Variants in IFT74 observed in about 807,000 individuals in gnomAD.
IFT74 encodes the protein intraflagellar transport 74.
Under a neutral mutation model 96.7 loss-of-function variants are expected in IFT74, and 92 were observed. The ratio of observed to expected loss-of-function variants is 0.95; its 90% CI spans 0.80 to 1.13. The LOEUF (loss-of-function observed/expected upper bound fraction) is 1.13. Among genes scored for constraint, IFT74 ranks in the 50% most tolerant of loss-of-function variants. The probability of loss-of-function intolerance (pLI) is 0.00; values close to 1 mark genes in which losing one functional copy is unlikely to be tolerated. For synonymous variants in IFT74, 223 were observed against 213.2 expected (o/e 1.05, Z -0.40); for missense variants, 811 against 698.2 (o/e 1.16, Z -1.82).
At chr9:26,976,783 G>A in intron 2 of IFT74, 1 of 455,984 alleles carries the variant, frequency 2.2e-6, no homozygotes, top group South Asian at 1.6e-5. Flanking sequence ...TCTCATGCCT[G>A]TATGTATTAT....
intron 19 of IFT74, among the ~76,000 whole-genome samples, chr9:27,062,405 A>T (rs1820466430): frequency 1.3e-5 from 2 of 152,178 alleles, no homozygotes; most frequent in African/African-American, 4.8e-5. Context: ...AAAAGTGTTT[A>T]TATTGTATAT....
At chr9:27,004,509 TAAGTCCCCAGACA>T (rs2131590596) in intron 8 of IFT74, among the ~76,000 whole-genome samples, 1 of 152,300 alleles carries the variant, frequency 6.6e-6, no homozygotes, top group South Asian at 2.1e-4. Flanking sequence ...TGACACTGAG[TAAGTCCCCAGACA>T]AAGCATTTGC....
intron 14 of IFT74, among the ~76,000 whole-genome samples, chr9:27,046,852 TAAC>T (rs2131683195): frequency 6.6e-6 from 1 of 152,328 alleles, no homozygotes; most frequent in African/African-American, 2.4e-5. Flanking sequence ...TTTGGGTTAA[TAAC>T]AAATTAAACA....
intron 8 of IFT74, among the ~76,000 whole-genome samples, chr9:27,000,457 A>T (rs748088877): frequency 7.9e-5 from 12 of 152,112 alleles, no homozygotes; most frequent in Non-Finnish European, 1.3e-4. Flanking sequence ...ACTGTGGGAG[A>T]TGAGAATCTT....
intron 13 of IFT74, among the ~76,000 whole-genome samples, chr9:27,031,461 C>A (rs140605479): frequency 2.7e-5 from 4 of 150,180 alleles, no homozygotes; most frequent in Non-Finnish European, 5.9e-5. Context: ...AGCGAGACTC[C>A]GTCTTAAAAA....
At chr9:27,044,964 G>C (rs1362676512) in intron 14 of IFT74, among the ~76,000 whole-genome samples, 169 bp downstream of exon 14, 1 of 152,162 alleles carries the variant, frequency 6.6e-6, no homozygotes, top group Non-Finnish European at 1.5e-5. Context: ...TTTAGAGATG[G>C]GTAGAAAATT....
intron 8 of IFT74, among the ~76,000 whole-genome samples, chr9:27,008,579 C>T (rs1563970000): frequency 1.3e-5 from 2 of 151,980 alleles, no homozygotes; most frequent in South Asian, 4.2e-4. Flanking sequence ...AGGCTGGTCT[C>T]GACCTCCAGA....
intron 1 of IFT74, among the ~76,000 whole-genome samples, chr9:26,950,242 G>T (rs1053356045): frequency 6.6e-6 from 1 of 152,006 alleles, no homozygotes; most frequent in African/African-American, 2.4e-5. Context: ...AACCCGGGAG[G>T]GGGAGGTTGC....
chr9:26,950,298 G>A (rs1159334725), intron 1 of IFT74, among the ~76,000 whole-genome samples: 4 of 147,622 alleles, frequency 2.7e-5, no homozygotes, highest in East Asian at 2.2e-4. Context: ...GCAACAGAGC[G>A]AGACTCTGTC....
intron 13 of IFT74, chr9:27,036,506 C>T: frequency 6.2e-7 from 1 of 1,612,316 alleles, no homozygotes; most frequent in East Asian, 2.2e-5. Context: ...TTTCAAAAAG[C>T]AAGTTTGAAC....
intron 1 of IFT74, among the ~76,000 whole-genome samples, chr9:26,959,075 T>C (rs542973347): frequency 3.8e-4 from 57 of 151,048 alleles, no homozygotes; most frequent in Non-Finnish European, 4.0e-4. Flanking sequence ...AAATAGTGGA[T>C]ATAAGCTATT....
chr9:27,040,435 G>A (rs1237613242), intron 13 of IFT74, among the ~76,000 whole-genome samples: 1 of 151,298 alleles, frequency 6.6e-6, no homozygotes, highest in Non-Finnish European at 1.5e-5. Flanking sequence ...TGTAGCCTCA[G>A]CTAGCTGGGA....
chr9:26,974,054 C>G (rs1308521696), intron 2 of IFT74, among the ~76,000 whole-genome samples: 5 of 152,100 alleles, frequency 3.3e-5, no homozygotes, highest in African/African-American at 9.7e-5. Context: ...ACTTTGCTCC[C>G]CCACACTCTT....
At chr9:26,950,204 C>T (rs1825887819) in intron 1 of IFT74, among the ~76,000 whole-genome samples, 1 of 151,590 alleles carries the variant, frequency 6.6e-6, no homozygotes, top group Non-Finnish European at 1.5e-5. Context: ...CCCAGCTACT[C>T]AGGAGGCTGA....
intron 17 of IFT74, among the ~76,000 whole-genome samples, 200 bp downstream of exon 17, chr9:27,055,972 G>A (rs1019332173): frequency 1.1e-4 from 17 of 152,050 alleles, no homozygotes; most frequent in Admixed American, 7.9e-4. Context: ...AAATTGAAAA[G>A]CAAGGTATAA....
chr9:27,011,525 T>G (rs1360643632), intron 9 of IFT74, among the ~76,000 whole-genome samples: 1 of 152,174 alleles, frequency 6.6e-6, no homozygotes, highest in Non-Finnish European at 1.5e-5. Context: ...ATCAAAATTT[T>G]AAATAATAAT....
chr9:27,036,869 T>G (rs549528330), intron 13 of IFT74: 3 of 1,002,658 alleles, frequency 3.0e-6, no homozygotes, highest in South Asian at 9.2e-5. Flanking sequence ...TGTGGAAGTT[T>G]TAGTGCTGCC....
At chr9:27,011,439 G>A (rs1020353054) in intron 9 of IFT74, among the ~76,000 whole-genome samples, 8 of 152,138 alleles carry the variant, frequency 5.3e-5, no homozygotes, top group Admixed American at 3.3e-4. Flanking sequence ...ATATGTGTAT[G>A]TATGTGTGCA....
rs1826887510 is a variant in IFT74, at chr9:26,971,734, T to G, written c.121-6394T>G. 2.0e-5 allele frequency among the ~76,000 whole-genome samples: 3 copies of G among 152,176 alleles called. No individual in the cohort carries two copies. The South Asian group carries it at 6.2e-4, about 32-fold the overall frequency. On this transcript the variant is annotated intron_variant, in intron 2 of 19. Transcript: ENST00000380062. ...ATCTCTTCTGGCAGCTGGAGATTGT[T>G]TAAGACATGGACAATTAGTTCTTTT...
Sources: allele counts gnomAD v4.1 joint callset (sites outside exome capture counted in the v4.1 genomes callset), GRCh38; gene constraint gnomAD v4.1.1; transcripts MANE v1.5; gene names NCBI Gene and HGNC (gene_info 2026-07-23, HGNC 2026-07-21).